NCKAP5: variants seen among roughly 807,000 people sequenced by gnomAD.
The protein encoded by NCKAP5 is NCK associated protein 5.
A neutral mutation model predicts 167.0 loss-of-function variants in NCKAP5; 92 were observed. The observed-to-expected ratio is 0.55, with a 90% CI of 0.47 to 0.66. The LOEUF (loss-of-function observed/expected upper bound fraction) is 0.66, where lower values mean the gene tolerates loss of function less well. Among genes scored for constraint, NCKAP5 ranks in the 30% least tolerant of loss-of-function variants. The pLI is 0.00. For synonymous variants in NCKAP5, 891 were observed against 877.4 expected, an observed-to-expected ratio of 1.02 and a Z score of -0.27; for missense variants, 2,378 against 2,315.0, an observed-to-expected ratio of 1.03 and a Z score of -0.56.
At chr2:133,397,058 A>G (rs1456055443) in intron 3 of NCKAP5, among the ~76,000 whole-genome samples, 1 of 152,242 alleles carries the variant, frequency 6.6e-6, no homozygotes, top group Non-Finnish European at 1.5e-5. Flanking sequence ...AATGACCCAT[A>G]TCAGGTTTGA....
At chr2:133,616,992 T>G in the NCKAP5 span, among the ~76,000 whole-genome samples, 74,828 of 151,616 alleles carry the variant, frequency 0.49, 20,411 homozygotes, top group Middle Eastern at 0.71. Flanking sequence ...GCAAGTCTGG[T>G]TCAATATACG....
chr2:133,433,785 C>G (rs1408620737), intron 3 of NCKAP5: 1 of 152,146 alleles, frequency 6.6e-6, no homozygotes, highest in Non-Finnish European at 1.5e-5. Context: ...CAGTGAATGG[C>G]AGATTGAAGA....
chr2:133,113,109 T>C (rs1288896311), intron 6 of NCKAP5, among the ~76,000 whole-genome samples: 1 of 152,132 alleles, frequency 6.6e-6, no homozygotes, highest in Non-Finnish European at 1.5e-5. Flanking sequence ...ACACTTACAT[T>C]TATGTTATAG....
intron 6 of NCKAP5, among the ~76,000 whole-genome samples, chr2:133,034,837 C>T (rs2078990417): frequency 6.6e-6 from 1 of 151,580 alleles, no homozygotes; most frequent in Non-Finnish European, 1.5e-5. Flanking sequence ...TACAGGAAGA[C>T]AGAAATGAAA....
rs141817869 is a variant in NCKAP5, at chr2:133,379,577, T to C, written c.70-76467A>G. Among the ~76,000 whole-genome samples the C allele has an allele frequency of 7.2e-3, 1,096 of 152,326 alleles. 18 individuals carry two copies. The highest frequency in any genetic ancestry group is 0.025 in the African/African-American group (1,044 of 41,574). On this transcript the variant is annotated intron_variant, in intron 3 of 19. Transcript: ENST00000409261. ...AAACACTCCATGCCTGTATCTTTAC[T>C]TGAATTGTCAGCTCCATGTGGACAG... is the stretch of plus-strand genomic sequence containing the variant.
At chr2:132,914,500 C>G (rs561648860) in intron 8 of NCKAP5, among the ~76,000 whole-genome samples, 11 of 152,076 alleles carry the variant, frequency 7.2e-5, no homozygotes, top group African/African-American at 7.2e-5. Context: ...GCCCTGTTTT[C>G]TCTTTGGCCC....
chr2:133,468,300 T>C (rs1466099789), intron 3 of NCKAP5, among the ~76,000 whole-genome samples: 1 of 144,382 alleles, frequency 6.9e-6, no homozygotes, highest in Non-Finnish European at 1.5e-5. Flanking sequence ...GGTTGTTCAG[T>C]TTCTATGTAG....
chr2:132,794,251 TATATATATATATAGAGAGAGAGAGAG>T (rs1300119076), intron 12 of NCKAP5, among the ~76,000 whole-genome samples: 13 of 58,848 alleles, frequency 2.2e-4, no homozygotes, highest in African/African-American at 9.2e-4. Flanking sequence ...TATATATATA[TATATATATATATAGAGAGAGAGAGAG>T]AGAGAGAGAG....
chr2:133,567,659 G>C (rs882255), intron 1 of NCKAP5, among the ~76,000 whole-genome samples: 794 of 47,698 alleles, frequency 0.017, 5 homozygotes, highest in Non-Finnish European at 0.021. Flanking sequence ...GAATGAGCCT[G>C]TGTGTGTGTG....
At chr2:133,281,247 T>A (rs936342592) in intron 4 of NCKAP5, among the ~76,000 whole-genome samples, 2 of 152,234 alleles carry the variant, frequency 1.3e-5, no homozygotes, top group African/African-American at 4.8e-5. Context: ...AATGAATGGA[T>A]ATCTACTATA....
chr2:133,266,774 T>C (rs1235090786), intron 4 of NCKAP5, among the ~76,000 whole-genome samples: 1 of 152,164 alleles, frequency 6.6e-6, no homozygotes, highest in Non-Finnish European at 1.5e-5. Context: ...CCGAGCCCTC[T>C]CCTGCCGCGG....
At chr2:132,787,690 G>A (rs908774155) in intron 13 of NCKAP5, among the ~76,000 whole-genome samples, 1 of 152,126 alleles carries the variant, frequency 6.6e-6, no homozygotes, top group African/African-American at 2.4e-5. Flanking sequence ...CAGTGATGCT[G>A]CCCCACTTCC....
chr2:133,393,466 A>G (rs1437056405), intron 3 of NCKAP5, among the ~76,000 whole-genome samples: 2 of 152,244 alleles, frequency 1.3e-5, no homozygotes, highest in Non-Finnish European at 2.9e-5. Context: ...GCAACAGTTA[A>G]TAAAAAATTC....
chr2:133,069,365 C>T (rs540086809), intron 6 of NCKAP5, among the ~76,000 whole-genome samples: 1 of 152,306 alleles, frequency 6.6e-6, no homozygotes, highest in Non-Finnish European at 1.5e-5. Context: ...CTTTTGGACA[C>T]TAAATCTTCT....
chr2:132,962,591 T>C (rs1029713612), intron 8 of NCKAP5, among the ~76,000 whole-genome samples: 1 of 151,120 alleles, frequency 6.6e-6, no homozygotes, highest in East Asian at 1.9e-4. Flanking sequence ...GTCTTTTTGT[T>C]TTTTTGTTTG....
At chr2:133,468,508 C>G (rs1045951359) in intron 3 of NCKAP5, among the ~76,000 whole-genome samples, 3 of 151,838 alleles carry the variant, frequency 2.0e-5, no homozygotes, top group African/African-American at 7.3e-5. Flanking sequence ...GTGGAGAGTT[C>G]TGTAGATGTC....
chr2:133,593,431 C>T, the NCKAP5 span, among the ~76,000 whole-genome samples: 1 of 150,980 alleles, frequency 6.6e-6, no homozygotes, highest in Non-Finnish European at 1.5e-5. Flanking sequence ...ATCATTACTG[C>T]ACACACACAC....
intron 15 of NCKAP5, among the ~76,000 whole-genome samples, chr2:132,775,121 C>T (rs890489309): frequency 1.3e-5 from 2 of 152,142 alleles, no homozygotes; most frequent in East Asian, 1.9e-4. Context: ...ATGGGTGTCC[C>T]GCTTAGGCAC....
chr2:133,298,414 T>C (rs928934305), intron 4 of NCKAP5, among the ~76,000 whole-genome samples: 11 of 152,186 alleles, frequency 7.2e-5, no homozygotes, highest in African/African-American at 2.7e-4. Flanking sequence ...ATTCCATTTC[T>C]GAAGGAAAAT....
Sources: gnomAD v4.1 joint callset for allele counts (sites outside exome capture counted in the v4.1 genomes callset) on GRCh38, gnomAD v4.1.1 for gene constraint, MANE v1.5 for transcripts, NCBI Gene and HGNC (gene_info 2026-07-23, HGNC 2026-07-21) for gene names.